The following MACROD2 variants were observed in gnomAD, a reference collection of about 807,000 sequenced individuals.
MACROD2 encodes mono-ADP ribosylhydrolase 2, also known as ADP-ribose glycohydrolase MACROD2.
Under a neutral mutation model 70.4 loss-of-function variants are expected in MACROD2, and 36 were observed. The ratio of observed to expected loss-of-function variants is 0.51; its 90% CI spans 0.39 to 0.68. MACROD2 has a LOEUF of 0.68. Ranked by LOEUF, MACROD2 falls within the 30% of genes least tolerant of loss-of-function variation. The pLI is 0.00. For missense variants in MACROD2, 496 were observed against 538.4 expected (o/e 0.92, Z 0.78); for synonymous variants, 172 against 178.8 (o/e 0.96, Z 0.30).
At chr20:15,774,009 C>T (rs55784451) in intron 8 of MACROD2, among the ~76,000 whole-genome samples, 2,262 of 152,176 alleles carry the variant, frequency 0.015, 66 homozygotes, top group African/African-American at 0.052. Flanking sequence ...ATAGTAAAAT[C>T]TGCATGAATT....
intron 6 of MACROD2, among the ~76,000 whole-genome samples, chr20:15,419,108 A>G (rs2046193938): frequency 6.6e-6 from 1 of 152,164 alleles, no homozygotes; most frequent in African/African-American, 2.4e-5. Flanking sequence ...AAAACACAAC[A>G]GGTGAAATGT....
intron 6 of MACROD2, among the ~76,000 whole-genome samples, chr20:15,344,328 G>A (rs1313724745): frequency 1.3e-5 from 2 of 152,130 alleles, no homozygotes; most frequent in Admixed American, 6.6e-5. Context: ...TCCCAACTGA[G>A]AAAGCACAGT....
At chr20:14,226,505 T>C (rs558275231) in intron 3 of MACROD2, among the ~76,000 whole-genome samples, 2 of 152,194 alleles carry the variant, frequency 1.3e-5, no homozygotes, top group Admixed American at 1.3e-4. Context: ...CAGGGAGATG[T>C]GTAGGGAGGC....
intron 4 of MACROD2, among the ~76,000 whole-genome samples, chr20:14,616,980 T>C (rs1384507099): frequency 6.6e-6 from 1 of 152,154 alleles, no homozygotes; most frequent in Non-Finnish European, 1.5e-5. Context: ...AGAGTCTCAA[T>C]TTTATTGCTT....
chr20:14,395,757 G>A (rs2083573918), intron 3 of MACROD2, among the ~76,000 whole-genome samples: 1 of 152,014 alleles, frequency 6.6e-6, no homozygotes, highest in South Asian at 2.1e-4. Flanking sequence ...TTCTTTAGCT[G>A]CAATCCACAG....
intron 6 of MACROD2, among the ~76,000 whole-genome samples, chr20:15,302,436 T>C (rs189906136): frequency 1.5e-4 from 23 of 151,660 alleles, no homozygotes; most frequent in Non-Finnish European, 3.1e-4. Context: ...CGGGATCATA[T>C]TTTATACTCT....
chr20:14,684,069 G>A (rs535920986), intron 4 of MACROD2, among the ~76,000 whole-genome samples: 1 of 152,274 alleles, frequency 6.6e-6, no homozygotes, highest in East Asian at 1.9e-4. Flanking sequence ...CAGATGTAAA[G>A]CTAGAGAGCT....
intron 3 of MACROD2, among the ~76,000 whole-genome samples, chr20:14,312,441 G>T (rs1296974868): frequency 6.6e-6 from 1 of 152,108 alleles, no homozygotes; most frequent in African/African-American, 2.4e-5. Flanking sequence ...TTAAATTTTA[G>T]CTTCTATGAG....
chr20:14,341,465 C>T (rs1363203296), intron 3 of MACROD2, among the ~76,000 whole-genome samples: 1 of 151,998 alleles, frequency 6.6e-6, no homozygotes, highest in African/African-American at 2.4e-5. Context: ...TGGTGAAACC[C>T]CGTTTCTAGT....
intron 4 of MACROD2, among the ~76,000 whole-genome samples, chr20:14,682,444 C>CAT (rs918025920): frequency 9.9e-5 from 15 of 150,792 alleles, no homozygotes; most frequent in African/African-American, 2.9e-4. Flanking sequence ...ATACACATTA[C>CAT]ATATATATAT....
intron 5 of MACROD2, among the ~76,000 whole-genome samples, chr20:14,765,608 A>G (rs1187645375): frequency 1.3e-5 from 2 of 152,078 alleles, no homozygotes; most frequent in African/African-American, 4.8e-5. Context: ...CAGAGGAATC[A>G]GGGGGTAAGA....
chr20:14,231,531 G>A (rs2081812491), intron 3 of MACROD2, among the ~76,000 whole-genome samples: 1 of 152,104 alleles, frequency 6.6e-6, no homozygotes, highest in Non-Finnish European at 1.5e-5. Context: ...TCTTAATCCA[G>A]TCTATCATTG....
chr20:15,123,032 T>C (rs555876469), intron 5 of MACROD2, among the ~76,000 whole-genome samples: 11 of 152,202 alleles, frequency 7.2e-5, no homozygotes, highest in Non-Finnish European at 1.6e-4. Context: ...CCAAGCCATA[T>C]GGTTCTGTAA....
chr20:14,517,525 C>T (rs527807730), intron 4 of MACROD2, among the ~76,000 whole-genome samples: 36 of 152,010 alleles, frequency 2.4e-4, no homozygotes, highest in African/African-American at 6.3e-4. Flanking sequence ...CATCACACAC[C>T]GGGGCCTGTC....
At chr20:16,012,878 C>A (rs936817946) in intron 15 of MACROD2, among the ~76,000 whole-genome samples, 13 of 152,104 alleles carry the variant, frequency 8.5e-5, no homozygotes, top group African/African-American at 3.1e-4. Context: ...TTACAGATAA[C>A]CAATAGAAGA....
intron 15 of MACROD2, among the ~76,000 whole-genome samples, chr20:16,000,957 G>A (rs993754187): frequency 2.0e-5 from 3 of 152,142 alleles, no homozygotes; most frequent in African/African-American, 7.2e-5. Flanking sequence ...TTTAGTAAAC[G>A]AATGGCCACA....
chr20:15,588,823 A>C (rs1446935813), intron 8 of MACROD2, among the ~76,000 whole-genome samples: 1 of 152,204 alleles, frequency 6.6e-6, no homozygotes, highest in African/African-American at 2.4e-5. Flanking sequence ...AAAGCCATTC[A>C]ACAAATCTCT....
intron 8 of MACROD2, among the ~76,000 whole-genome samples, chr20:15,653,235 A>C (rs568825967): frequency 2.6e-5 from 4 of 152,330 alleles, no homozygotes; most frequent in Admixed American, 2.6e-4. Flanking sequence ...GTGCACATAA[A>C]TTGCTATGTC....
intron 3 of MACROD2, among the ~76,000 whole-genome samples, chr20:14,197,356 A>G (rs1480607861): frequency 6.6e-6 from 1 of 152,208 alleles, no homozygotes; most frequent in Non-Finnish European, 1.5e-5. Flanking sequence ...GACTAACCGA[A>G]AATATTTTTA....
Sources: gnomAD v4.1 joint callset for allele counts (sites outside exome capture counted in the v4.1 genomes callset) on GRCh38, gnomAD v4.1.1 for gene constraint, MANE v1.5 for transcripts, NCBI Gene and HGNC (gene_info 2026-07-23, HGNC 2026-07-21) for gene names.